The following PKD1 variants were observed in gnomAD, a reference collection of about 807,000 sequenced individuals.
The protein encoded by PKD1 is polycystin 1, transient receptor potential channel interacting.
PKD1 carries 81 observed loss-of-function variants against 361.7 expected under a neutral mutation model. That is an observed-to-expected ratio of 0.22 (90% CI 0.19 to 0.27). The LOEUF is 0.27. Ranked by LOEUF, PKD1 falls within the 10% of genes least tolerant of loss-of-function variation. PKD1 has a pLI of 1.00. For missense variants in PKD1, 6,399 were observed against 6,118.3 expected, an observed-to-expected ratio of 1.05 and a Z score of -1.53; for synonymous variants, 3,615 against 2,818.3, an observed-to-expected ratio of 1.28 and a Z score of -8.95.
In PKD1 at chr16:2,099,914, G is replaced by A. The variant is rs548997377; in HGVS notation, c.9870C>T (p.Leu3290=). ...ACCACACGGCGTTGGCGCCCAGGAA[G>A]AGGCAGATGAGGAGAACGCAGCAGG... is the stretch of plus-strand genomic sequence containing the variant. ...RATCCVLLIC[L]FLGANAVWYG... is the part of the protein sequence containing the mutation. Residue 3290 remains leucine (L), a synonymous_variant, in exon 29 of 46, where the codon CTC becomes CTT. Coordinates refer to ENST00000262304, the MANE Select transcript of PKD1 (RefSeq NM_001009944.3). 60 of 1,565,450 alleles carry A rather than the reference G, an allele frequency of 3.8e-5. No individual in the cohort carries two copies. The highest frequency in any genetic ancestry group is 7.0e-5 in the South Asian group (6 of 85,602).
At chr16:2,105,280 G>A (rs1407897263) in intron 21 of PKD1, 42 bp downstream of exon 21, 32 of 1,587,676 alleles carry the variant, frequency 2.0e-5, no homozygotes, top group Non-Finnish European at 2.5e-5. Flanking sequence ...CCAGTGCCCT[G>A]GCAGGCATGC....
intron 26 of PKD1, among the ~76,000 whole-genome samples, chr16:2,101,625 AG>A (rs2092101279): frequency 6.6e-6 from 1 of 152,392 alleles, no homozygotes; most frequent in East Asian, 1.9e-4. Context: ...CTCTAAAAAA[AG>A]AAAAACGAAA....
Position 2,106,555 on chromosome 16 carries a change from G to C in PKD1, c.7332C>G (p.Tyr2444Ter). 6.3e-7 allele frequency: 1 copy of C among 1,596,714 alleles called. No homozygotes were observed. The highest frequency in any genetic ancestry group is 8.5e-7 in the Non-Finnish European group (1 of 1,179,088). Reference sequence around the variant, plus strand: ...GGCCCAGCACCGTGAGCGTGAAGGTGTATCCCTCGCCGTCCCGCAGCACGC... The same window carrying C: ...GGCCCAGCACCGTGAGCGTGAAGGTCTATCCCTCGCCGTCCCGCAGCACGC... ...RRGVLRDGEG[Y>*]TFTLTVLGRS... is the part of the protein sequence containing the mutation. The change falls in exon 18 of 46, where the codon TAC becomes TAG. Residue 2444 changes from tyrosine to a stop codon, truncating the protein, a stop_gained. Transcript: ENST00000262304. LOFTEE classifies it high-confidence loss of function. This position sits in a 1 kb window ranked among gnomAD's most constrained non-coding sequence, Gnocchi z 6.5.
In PKD1 at chr16:2,123,540, C is replaced by G. The variant is rs548899332; in HGVS notation, c.216-4162G>C. On this transcript the variant is annotated intron_variant, in intron 1 of 45. Coordinates refer to ENST00000262304, the MANE Select transcript of PKD1 (RefSeq NM_001009944.3). Reference sequence around the variant, plus strand: ...GTTCTGGGGGAACGCCAAGGCCTAGCCAGGCAGCCTCGCGCCAGCCCCCCC... The same window carrying G: ...GTTCTGGGGGAACGCCAAGGCCTAGGCAGGCAGCCTCGCGCCAGCCCCCCC... The G allele has an allele frequency of 2.0e-5, 9 of 456,190 alleles. 1 individual carries two copies. Among genetic ancestry groups the G allele is most frequent in the South Asian group, 1.4e-4 (9 of 64,562 alleles). The allele number at this position is 456,190 out of a possible 1,614,324, so 28.3% of individuals were successfully genotyped here. A position where few individuals can be genotyped will look rare whatever the true frequency, so the allele number is the denominator to read the frequency against.
rs547896940 is a variant in PKD1 at position 2,118,167 on chromosome 16, G to A, written c.825C>T (p.Ala275=). The A allele has an allele frequency of 2.4e-5, 38 of 1,569,570 alleles. No individual in the cohort carries two copies. In the African/African-American group the frequency reaches 4.5e-4, roughly 18 times the overall value. The change falls in exon 5 of 46, where the codon GCC becomes GCT. Residue 275 remains alanine, a synonymous_variant. Transcript: ENST00000262304. This position sits in a 1 kb window ranked among gnomAD's most constrained non-coding sequence, Gnocchi z 6.0. ...GAGGTCCGTGGGGCCCCACCAGGGT[G>A]GCCCCTGGGGAGGCAGGGAAGACGT... The part of the protein sequence containing the change: ...LQHVFPASPG[A]TLVGPHGPLA...
Position 2,094,158 on chromosome 16 carries a change from C to G in PKD1, c.10552G>C (p.Glu3518Gln). The change falls in exon 35 of 46, where the codon GAG becomes CAG. Residue 3518 changes from glutamate to glutamine, a missense_variant. By Grantham distance (29) the Glu-to-Gln change is conservative (BLOSUM62 2). Transcript: ENST00000262304. ...AGGCCTGGGCTGGGTGGCCCCAGCT[C>G]CCCCAGCCTCTGCAGCGCCAGCGTC... ...TETLALQRLGELGPPSPGLNW... is the reference protein window; with the variant it reads ...TETLALQRLGQLGPPSPGLNW... 2 of 1,602,440 alleles carry G rather than the reference C, an allele frequency of 1.2e-6. No individual in the cohort carries two copies. Among genetic ancestry groups the G allele is most frequent in the Non-Finnish European group, 1.7e-6 (2 of 1,174,360 alleles).
chr16:2,097,982 C>A lies in PKD1; in HGVS notation c.10053G>T (p.Val3351=). Residue 3351 remains valine (V), a splice_region_variant and synonymous_variant, in exon 31 of 46, where the codon GTG becomes GTT. Coordinates refer to ENST00000262304, the MANE Select transcript of PKD1 (RefSeq NM_001009944.3). The part of the protein sequence containing the change: ...LFLFRMSRSK[V]AGSPSPTPAG... ...CAGGTGTGGGGCTCGGGCTCCCAGC[C>A]ACCTGCAGGACGAGGGCAGTGGTCA... The A allele has an allele frequency of 6.4e-7, 1 of 1,568,212 alleles. No homozygotes were observed. The highest frequency in any genetic ancestry group is 1.1e-5 in the South Asian group (1 of 89,938).
In PKD1 at chr16:2,090,416, TAAC is replaced by T. The variant is rs1228902341; in HGVS notation, c.12310_12312del (p.Val4104del). ...AAGGCGTGGTAGCGCCAGCGGAGAATAACAGCCCCCAGCCGTAGGGCGCCCCAC... is the reference window on the plus strand; with the variant it reads ...AAGGCGTGGTAGCGCCAGCGGAGAATAGCCCCCAGCCGTAGGGCGCCCCAC... On this transcript the variant is annotated inframe_deletion, in exon 45 of 46. Coordinates refer to ENST00000262304, the MANE Select transcript of PKD1 (RefSeq NM_001009944.3). 1 of 1,612,460 alleles carries T rather than the reference TAAC, an allele frequency of 6.2e-7. No homozygotes were observed. Among genetic ancestry groups the T allele is most frequent in the Non-Finnish European group, 8.5e-7 (1 of 1,179,844 alleles).
chr16:2,117,368 T>C, intron 6 of PKD1, 121 bp downstream of exon 6: 1 of 728,722 alleles, frequency 1.4e-6, no homozygotes, highest in Non-Finnish European at 2.2e-6. Flanking sequence ...CGGCGCCACC[T>C]GCTCACCAGG....
chr16:2,121,020 G>GA lies in PKD1; in HGVS notation c.216-1643dup, dbSNP rs1025929550. Among the ~76,000 whole-genome samples the GA allele has an allele frequency of 1.0e-3, 144 of 137,168 alleles. No homozygotes were observed. The Middle Eastern group carries it at 0.011, about 11-fold the overall frequency. The allele number at this position is 137,168 out of a possible 152,430, so 90.0% of individuals were successfully genotyped here. On this transcript the variant is annotated intron_variant, in intron 1 of 45. Transcript: ENST00000262304. ...GACAGAGCGAGACTCCATCTCAAAA[G>GA]AAAAAAAAAAGAAAAGAAAAGAAAG...
At chr16:2,090,649 C>G in intron 44 of PKD1, 25 bp downstream of exon 44, 1 of 1,610,596 alleles carries the variant, frequency 6.2e-7, no homozygotes, top group Non-Finnish European at 8.5e-7. Context: ...GCTAAGACGC[C>G]CTCCCCGGCC....
chr16:2,091,120 G>C lies in PKD1; in HGVS notation c.11767C>G (p.His3923Asp). 6.7e-7 allele frequency: 1 copy of C among 1,490,624 alleles called. No homozygotes were observed. Among genetic ancestry groups the C allele is most frequent in the Non-Finnish European group, 8.9e-7 (1 of 1,126,876 alleles). The allele number at this position is 1,490,624 out of a possible 1,614,324, so 92.3% of individuals were successfully genotyped here. The change falls in exon 43 of 46, where the codon CAC becomes GAC. Residue 3923 changes from histidine to aspartate, a missense_variant. Coordinates refer to ENST00000262304, the MANE Select transcript of PKD1 (RefSeq NM_001009944.3). ...AGCACGCGCCAGCGCCCTTCCCTGTGCCAAGTACGGGCCTCGGCCACGGCG... is the reference window on the plus strand; with the variant it reads ...AGCACGCGCCAGCGCCCTTCCCTGTCCCAAGTACGGGCCTCGGCCACGGCG... ...HFAVAEARTW[H>D]REGRWRVLRL...
intron 1 of PKD1, among the ~76,000 whole-genome samples, chr16:2,126,595 GC>G (rs1475527807): frequency 5.9e-5 from 9 of 152,276 alleles, no homozygotes; most frequent in Non-Finnish European, 1.0e-4. Flanking sequence ...AGACTGTGGC[GC>G]CCCCGCTGCT....
rs1236128331 is a variant in PKD1, at chr16:2,089,636, TCTGC to T, written c.*87_*90del. The T allele has an allele frequency of 4.1e-6, 6 of 1,474,658 alleles. No individual in the cohort carries two copies. The African/African-American group carries it at 4.2e-5, about 10-fold the overall frequency. The allele number at this position is 1,474,658 out of a possible 1,614,324, so 91.3% of individuals were successfully genotyped here. On this transcript the variant is annotated 3_prime_UTR_variant, in exon 46 of 46. Transcript: ENST00000262304. ...CTCTGGGGAACCTACGTGCAGCCAT[TCTGC>T]CTGGCCCTCGGCCTTGACAGCGGCA...
At chr16:2,104,004 G>T in intron 22 of PKD1, 109 bp from the exon 23 acceptor site, 1 of 509,086 alleles carries the variant, frequency 2.0e-6, no homozygotes, top group Non-Finnish European at 3.3e-6. Context: ...GGGAACCTGA[G>T]GGGGCAGAGA....
chr16:2,108,324 G>A lies in PKD1; in HGVS notation c.6843C>T (p.Ser2281=), dbSNP rs200418682. ...TRDLVLDGSE[S]YDPNLEDGDQ... is the part of the protein sequence containing the mutation. ...CGCCGTCCTCCAGGTTGGGGTCGTA[G>A]GACTCGCTCCCATCCAGCACCAGGT... Residue 2281 remains serine (S), a synonymous_variant, in exon 15 of 46, where the codon TCC becomes TCT. Coordinates refer to ENST00000262304, the MANE Select transcript of PKD1 (RefSeq NM_001009944.3). 7.5e-6 allele frequency: 12 copies of A among 1,604,866 alleles called. No individual in the cohort carries two copies. Among genetic ancestry groups the A allele is most frequent in the East Asian group, 2.2e-5 (1 of 44,712 alleles).
In PKD1 at chr16:2,110,905, G is replaced by C. The variant is rs1173556316; in HGVS notation, c.4262C>G (p.Ala1421Gly). Residue 1421 changes from alanine to glycine, a missense_variant, in exon 15 of 46, where the codon GCC (alanine) becomes GGC (glycine). Physicochemically the swap from Ala to Gly is moderately conservative, Grantham distance 60 (BLOSUM62 0). Coordinates refer to ENST00000262304, the MANE Select transcript of PKD1 (RefSeq NM_001009944.3). The stretch of plus-strand genomic sequence containing the variant: ...AGGGCCCCTGGCACGGGTGGGGGCG[G>C]CTTCCTCGGTGCCAAAGTCCCAGGT... Reference protein sequence around the residue: ...RYTWDFGTEEAAPTRARGPEV... With the variant: ...RYTWDFGTEEGAPTRARGPEV... 19 of 1,611,304 alleles carry C rather than the reference G, an allele frequency of 1.2e-5. No homozygotes were observed. Among genetic ancestry groups the C allele is most frequent in the Non-Finnish European group, 1.4e-5 (17 of 1,179,854 alleles).
Position 2,110,170 on chromosome 16 carries a change from C to G in PKD1, c.4997G>C (p.Trp1666Ser). The G allele has an allele frequency of 6.2e-7, 1 of 1,610,796 alleles. No individual in the cohort carries two copies. Among genetic ancestry groups the G allele is most frequent in the Non-Finnish European group, 8.5e-7 (1 of 1,179,744 alleles). Residue 1666 changes from tryptophan to serine, a missense_variant, in exon 15 of 46, where the codon TGG becomes TCG. Trp to Ser is a radical substitution (Grantham distance 177). Coordinates refer to ENST00000262304, the MANE Select transcript of PKD1 (RefSeq NM_001009944.3). The stretch of plus-strand genomic sequence containing the variant: ...CGGGCCCCTGTCCCTCCAGGCAGTC[C>G]AGCTGTAGGAGACGTTGGTGCCATC... ...VRDGTNVSYS[W>S]TAWRDRGPAL...
At chr16:2,125,726 G>A (rs940635608) in intron 1 of PKD1, among the ~76,000 whole-genome samples, 76 of 151,966 alleles carry the variant, frequency 5.0e-4, no homozygotes, top group Non-Finnish European at 9.3e-4. Context: ...CTGGGGTCGG[G>A]GCCACCCTTC....
Sources: gnomAD v4.1 joint callset for allele counts (sites outside exome capture counted in the v4.1 genomes callset) on GRCh38, gnomAD v4.1.1 for gene constraint, Gnocchi (gnomAD v3.1) non-coding constraint, MANE v1.5 for transcripts, NCBI Gene and HGNC (gene_info 2026-07-23, HGNC 2026-07-21) for gene names.